IGF2R: variants seen among roughly 807,000 people sequenced by gnomAD.
The protein encoded by IGF2R is cation-independent mannose-6-phosphate receptor.
Under a neutral mutation model 270.6 loss-of-function variants are expected in IGF2R, and 91 were observed. That is an observed-to-expected ratio of 0.34 (90% CI 0.28 to 0.40). IGF2R has a LOEUF of 0.40. Ranked by LOEUF, IGF2R falls within the 10% of genes least tolerant of loss-of-function variation. The pLI, the probability that IGF2R is intolerant of heterozygous loss-of-function variation, is 1.00. For synonymous variants in IGF2R, 1,316 were observed against 1,258.9 expected, an observed-to-expected ratio of 1.05 and a Z score of -0.96; for missense variants, 2,805 against 3,188.3, an observed-to-expected ratio of 0.88 and a Z score of 2.90.
chr6:160,014,693 C>T (rs976286361), intron 4 of IGF2R, among the ~76,000 whole-genome samples: 18 of 152,276 alleles, frequency 1.2e-4, no homozygotes, highest in African/African-American at 4.3e-4. Context: ...TGCATCCTAC[C>T]CAGTCCACTG....
At chr6:160,000,328 A>T (rs1012006077) in intron 2 of IGF2R, among the ~76,000 whole-genome samples, 2 of 152,186 alleles carry the variant, frequency 1.3e-5, no homozygotes, top group Non-Finnish European at 1.5e-5. Flanking sequence ...GCTTCTTCAC[A>T]TGGTGACAGG....
chr6:160,052,564 A>G (rs1373192513), intron 19 of IGF2R, among the ~76,000 whole-genome samples: 3 of 152,226 alleles, frequency 2.0e-5, no homozygotes, highest in Admixed American at 6.5e-5. Flanking sequence ...GGTTTTCTTC[A>G]CAGAATTGGA....
At position 160,053,906 on chromosome 6, in the gene IGF2R, G is replaced by C. The variant is rs1335773385; in HGVS notation, c.2695-2518G>C. Among the ~76,000 whole-genome samples the C allele has an allele frequency of 2.0e-5, 3 of 152,228 alleles. No homozygotes were observed. The East Asian group carries it at 5.8e-4, about 29-fold the overall frequency. Reference sequence around the variant, plus strand: ...GGTTTTTAAATTTTTTGAAGAGATGGGGGGTCTGTCTATGTGGCCCAAGCT... The same window carrying C: ...GGTTTTTAAATTTTTTGAAGAGATGCGGGGTCTGTCTATGTGGCCCAAGCT... On this transcript the variant is annotated intron_variant, in intron 19 of 47. Transcript: ENST00000356956.
Position 160,105,063 on chromosome 6 carries a change from C to T in IGF2R, c.7455C>T (p.Asp2485=), listed in dbSNP as rs368065139. The T allele has an allele frequency of 8.8e-6, 14 of 1,595,736 alleles. No individual in the cohort carries two copies. The highest frequency in any genetic ancestry group is 4.0e-5 in the African/African-American group (3 of 74,614). ...TKLVSFHDDS[D]EDLLHI ...TGGTGTCCTTCCATGACGACAGCGA[C>T]GAGGACCTCTTACACATCTGACTCC... Residue 2485 remains aspartate (D), a synonymous_variant, in exon 48 of 48, where the codon GAC becomes GAT. Transcript: ENST00000356956.
chr6:160,083,584 A>G (rs1010409762), intron 39 of IGF2R, among the ~76,000 whole-genome samples: 1 of 152,192 alleles, frequency 6.6e-6, no homozygotes, highest in Non-Finnish European at 1.5e-5. Flanking sequence ...GACAATACCG[A>G]GCTTTCCAGG....
At chr6:160,047,086 C>G in intron 15 of IGF2R, 73 bp from the exon 16 acceptor site, 2 of 1,438,808 alleles carry the variant, frequency 1.4e-6, no homozygotes, top group Non-Finnish European at 2.0e-6. Flanking sequence ...CACGGGCCCT[C>G]CCTTCAGTGT....
At chr6:160,036,069 C>T (rs1392156038) in intron 10 of IGF2R, among the ~76,000 whole-genome samples, 1 of 152,146 alleles carries the variant, frequency 6.6e-6, no homozygotes, top group Non-Finnish European at 1.5e-5. Context: ...GACCCTGGAA[C>T]GGTGAGTGTG....
At chr6:160,090,267 G>C (rs547878386) in intron 44 of IGF2R, 164 bp downstream of exon 44, 1 of 489,856 alleles carries the variant, frequency 2.0e-6, no homozygotes, top group African/African-American at 2.0e-5. Flanking sequence ...TGGATTGAGC[G>C]ATACGTGTCA....
In IGF2R at chr6:159,973,848, C is replaced by A. The variant is rs144299666; in HGVS notation, c.149+4453C>A. ...GAGATGTTCCCTTCCCTATTTTGATCTTGGTATATAAACTATTGTATTGGG... is the reference window on the plus strand; with the variant it reads ...GAGATGTTCCCTTCCCTATTTTGATATTGGTATATAAACTATTGTATTGGG... On this transcript the variant is annotated intron_variant, in intron 1 of 47. Coordinates refer to ENST00000356956, the MANE Select transcript of IGF2R (RefSeq NM_000876.4). Among the ~76,000 whole-genome samples, 355 of 152,270 alleles carry A rather than the reference C, an allele frequency of 2.3e-3. 1 individual carries two copies. The highest frequency in any genetic ancestry group is 8.2e-3 in the African/African-American group (339 of 41,556).
chr6:160,032,252 T>C (rs1777714200), intron 7 of IGF2R, among the ~76,000 whole-genome samples: 1 of 152,138 alleles, frequency 6.6e-6, no homozygotes, highest in Admixed American at 6.5e-5. Flanking sequence ...GGCCGAAGCT[T>C]GAGTGTCTCT....
intron 42 of IGF2R, among the ~76,000 whole-genome samples, 192 bp from the exon 43 acceptor site, chr6:160,088,915 G>A (rs1218973313): frequency 6.6e-6 from 1 of 152,256 alleles, no homozygotes; most frequent in Non-Finnish European, 1.5e-5. Flanking sequence ...TGCCGTCAGT[G>A]TTGAGTCGGG....
At chr6:160,092,952 T>C (rs912784212) in intron 44 of IGF2R, 1 of 152,310 alleles carries the variant, frequency 6.6e-6, no homozygotes, top group Non-Finnish European at 1.5e-5. Flanking sequence ...AACAGCACAC[T>C]GAAGGGGTTC....
At position 160,050,528 on chromosome 6, in the gene IGF2R, C is replaced by A; in HGVS notation, c.2570C>A (p.Pro857Gln). Reference protein sequence around the residue: ...ISNLGMAKTGPVVEDSGSLLL... With the variant: ...ISNLGMAKTGQVVEDSGSLLL... ...AACTTGGGAATGGCAAAGACCGGCCCGGTGGTTGAGGACAGCGGCAGCCTC... is the reference window on the plus strand; with the variant it reads ...AACTTGGGAATGGCAAAGACCGGCCAGGTGGTTGAGGACAGCGGCAGCCTC... Residue 857 changes from proline (P) to glutamine (Q), a missense_variant, in exon 19 of 48, where the codon CCG becomes CAG. Pro to Gln is a moderately conservative substitution (Grantham distance 76, BLOSUM62 -1). This residue lies in a region of IGF2R where 1,851 missense variants were observed against 2,207.2 expected (regional missense o/e 0.84). Transcript: ENST00000356956. The surrounding 1 kb of genome is among the most constrained non-coding windows in gnomAD (Gnocchi z 4.0). 6.2e-7 allele frequency: 1 copy of A among 1,614,034 alleles called. No individual in the cohort carries two copies. Among genetic ancestry groups the A allele is most frequent in the Non-Finnish European group, 8.5e-7 (1 of 1,179,934 alleles).
intron 45 of IGF2R, among the ~76,000 whole-genome samples, chr6:160,100,281 G>C (rs960440117): frequency 2.0e-5 from 3 of 151,994 alleles, no homozygotes; most frequent in Non-Finnish European, 4.4e-5. Flanking sequence ...AAAGACCAAA[G>C]TCAAAGGAGA....
At chr6:160,068,467 G>C (rs1323346164) in intron 30 of IGF2R, 82 bp downstream of exon 30, 2 of 1,573,052 alleles carry the variant, frequency 1.3e-6, no homozygotes, top group African/African-American at 2.7e-5. Context: ...CCTCCTCGTG[G>C]GGTGGTGGTT....
intron 10 of IGF2R, among the ~76,000 whole-genome samples, chr6:160,038,573 TTGTC>T (rs1165915595): frequency 2.0e-5 from 3 of 152,184 alleles, no homozygotes; most frequent in Non-Finnish European, 4.4e-5. Flanking sequence ...ATACAAATCT[TTGTC>T]AGTAGTGAAA....
chr6:160,038,300 T>C (rs1031749507), intron 10 of IGF2R, among the ~76,000 whole-genome samples: 2 of 152,212 alleles, frequency 1.3e-5, no homozygotes, highest in African/African-American at 4.8e-5. Context: ...TGAATAGTGA[T>C]TTCTGAAGTC....
intron 4 of IGF2R, 96 bp from the exon 5 acceptor site, chr6:160,024,476 A>G (rs1179604427): frequency 8.4e-7 from 1 of 1,196,272 alleles, no homozygotes; most frequent in African/African-American, 1.5e-5. Flanking sequence ...ATAGTCCCTA[A>G]GGAATGGAGA....
In IGF2R at chr6:160,107,321, G is replaced by A. The variant is rs535124026; in HGVS notation, c.*2237G>A. The A allele has an allele frequency of 2.6e-5, 4 of 152,362 alleles. No homozygotes were observed. Among genetic ancestry groups the A allele is most frequent in the Admixed American group, 2.0e-4 (3 of 15,308 alleles). The allele number at this position is 152,362 out of a possible 1,614,324, so 9.4% of individuals were successfully genotyped here. A position where few individuals can be genotyped will look rare whatever the true frequency, so the allele number is the denominator to read the frequency against. On this transcript the variant is annotated 3_prime_UTR_variant, in exon 48 of 48. Coordinates refer to ENST00000356956, the MANE Select transcript of IGF2R (RefSeq NM_000876.4). ...AGGGACCTGCCCATCCCCTTGGTAAGCTGGATGGCAAAAAGGCATGTTGTC... is the reference window on the plus strand; with the variant it reads ...AGGGACCTGCCCATCCCCTTGGTAAACTGGATGGCAAAAAGGCATGTTGTC...
Sources: gnomAD v4.1 joint callset for allele counts (sites outside exome capture counted in the v4.1 genomes callset) on GRCh38, gnomAD v4.1.1 for gene constraint, gnomAD v4.1.1 regional missense constraint, Gnocchi (gnomAD v3.1) non-coding constraint, MANE v1.5 for transcripts, NCBI Gene and HGNC (gene_info 2026-07-23, HGNC 2026-07-21) for gene names.